TXNDC15: variants seen among roughly 807,000 people sequenced by gnomAD.
TXNDC15 encodes thioredoxin domain-containing protein 15.
A neutral mutation model predicts 35.0 loss-of-function variants in TXNDC15; 24 were observed. The ratio of observed to expected loss-of-function variants is 0.68; its 90% CI spans 0.50 to 0.96. The LOEUF is 0.96. Among genes scored for constraint, TXNDC15 ranks in the 40% least tolerant of loss-of-function variants. The pLI, the probability that TXNDC15 is intolerant of heterozygous loss-of-function variation, is 0.00. For synonymous variants in TXNDC15, 169 were observed against 174.0 expected (o/e 0.97, Z 0.23); for missense variants, 385 against 453.3 (o/e 0.85, Z 1.37).
chr5:134,893,734 TA>T, intron 3 of TXNDC15, 79 bp downstream of exon 3: 5 of 1,574,272 alleles, frequency 3.2e-6, no homozygotes, highest in Non-Finnish European at 4.3e-6. Flanking sequence ...TTAGTTAAGT[TA>T]GAAGCAGAAG....
intron 1 of TXNDC15, among the ~76,000 whole-genome samples, chr5:134,880,834 C>T (rs974460452): frequency 6.6e-6 from 1 of 152,010 alleles, no homozygotes; most frequent in Non-Finnish European, 1.5e-5. Flanking sequence ...TTGTTCCTCT[C>T]TACATGATGT....
Position 134,879,628 on chromosome 5 carries a change from C to A in TXNDC15, c.103+5098C>A, listed in dbSNP as rs570642622. Among the ~76,000 whole-genome samples the A allele has an allele frequency of 7.2e-5, 11 of 152,234 alleles. No homozygotes were observed. In the East Asian group the frequency reaches 2.1e-3, roughly 29 times the overall value. ...GCTATAGAAATACCGCCAATGTGAT[C>A]CCGCCCCTCCACCAATTTGGCAAAG... On this transcript the variant is annotated intron_variant, in intron 1 of 4. Coordinates refer to ENST00000358387, the MANE Select transcript of TXNDC15 (RefSeq NM_024715.4).
At chr5:134,878,859 TGTG>T (rs1750088946) in intron 1 of TXNDC15, among the ~76,000 whole-genome samples, 1 of 151,992 alleles carries the variant, frequency 6.6e-6, no homozygotes, top group African/African-American at 2.4e-5. Context: ...AGTAGCCAGG[TGTG>T]GTGGTGCGCA....
rs1322584437 is a variant in TXNDC15 at position 134,893,546 on chromosome 5, T to A, written c.646T>A (p.Tyr216Asn). 2.5e-6 allele frequency: 4 copies of A among 1,614,108 alleles called. No individual in the cohort carries two copies. In the African/African-American group the frequency reaches 5.3e-5, roughly 22 times the overall value. The change falls in exon 3 of 5, where the codon TAC (tyrosine) becomes AAC (asparagine). Residue 216 changes from tyrosine (Y) to asparagine (N), a missense_variant. Coordinates refer to ENST00000358387, the MANE Select transcript of TXNDC15 (RefSeq NM_024715.4). The stretch of plus-strand genomic sequence containing the variant: ...TAGTGACTGTACTCTAGTCCTGTTT[T>A]ACACCCCGTGGTGCCGCTTTTCTGC... ...NGSDCTLVLFYTPWCRFSASL... is the reference protein window; with the variant it reads ...NGSDCTLVLFNTPWCRFSASL...
intron 2 of TXNDC15, among the ~76,000 whole-genome samples, chr5:134,891,906 C>A (rs1750395963): frequency 6.6e-6 from 1 of 151,910 alleles, no homozygotes; most frequent in African/African-American, 2.4e-5. Flanking sequence ...CAGAGCAAGA[C>A]CTTGTCAAAT....
intron 1 of TXNDC15, among the ~76,000 whole-genome samples, chr5:134,880,978 A>G (rs1193782567): frequency 2.6e-5 from 4 of 151,718 alleles, no homozygotes; most frequent in Admixed American, 6.6e-5. Flanking sequence ...ATGGATTTAT[A>G]GTTTTCACCA....
At position 134,889,412 on chromosome 5, in the gene TXNDC15, C is replaced by T. The variant is rs556716773; in HGVS notation, c.591+1230C>T. On this transcript the variant is annotated intron_variant, in intron 2 of 4. Coordinates refer to ENST00000358387, the MANE Select transcript of TXNDC15 (RefSeq NM_024715.4). ...CTAATTTTTGTATTTTTAGTGGAAACGAGGTTTTACCACGTTGGCCAGGCT... is the reference window on the plus strand; with the variant it reads ...CTAATTTTTGTATTTTTAGTGGAAATGAGGTTTTACCACGTTGGCCAGGCT... Among the ~76,000 whole-genome samples the T allele has an allele frequency of 7.9e-5, 12 of 152,102 alleles. No homozygotes were observed. In the East Asian group the frequency reaches 1.9e-3, roughly 25 times the overall value.
At chr5:134,898,234 A>C (rs766552601) in intron 4 of TXNDC15, among the ~76,000 whole-genome samples, 22 of 152,102 alleles carry the variant, frequency 1.4e-4, no homozygotes, top group Non-Finnish European at 2.4e-4. Context: ...CTGCATTGTC[A>C]TGTATGGTTA....
chr5:134,876,220 CCCTGTGTGGCTGT>C (rs1320722200), intron 1 of TXNDC15, among the ~76,000 whole-genome samples: 1 of 152,120 alleles, frequency 6.6e-6, no homozygotes, highest in Non-Finnish European at 1.5e-5. Flanking sequence ...GTGCTCTGTG[CCCTGTGTGGCTGT>C]CCTGTGTGGA....
chr5:134,884,923 CT>C (rs374868238), intron 1 of TXNDC15, among the ~76,000 whole-genome samples: 169 of 128,880 alleles, frequency 1.3e-3, no homozygotes, highest in Middle Eastern at 5.0e-3. Flanking sequence ...TATACATATT[CT>C]TTTTTTTTTT....
intron 2 of TXNDC15, among the ~76,000 whole-genome samples, chr5:134,890,647 T>C (rs1249552571): frequency 1.3e-5 from 2 of 152,138 alleles, no homozygotes; most frequent in Non-Finnish European, 2.9e-5. Context: ...TGACCTCAAG[T>C]GATCTGCCCA....
intron 1 of TXNDC15, among the ~76,000 whole-genome samples, chr5:134,883,607 A>G (rs1225536098): frequency 3.7e-4 from 55 of 147,994 alleles, no homozygotes; most frequent in East Asian, 1.8e-3. Context: ...AAAAAAAAAA[A>G]AAAAGAAAAG....
intron 4 of TXNDC15, among the ~76,000 whole-genome samples, chr5:134,897,394 C>T (rs771688566): frequency 1.3e-4 from 20 of 150,586 alleles, no homozygotes; most frequent in Non-Finnish European, 2.7e-4. Flanking sequence ...ATTATAGGTG[C>T]GCACCACCAC....
At position 134,901,427 on chromosome 5, in the gene TXNDC15, G is replaced by T. The variant is rs1430326185; in HGVS notation, c.*1742G>T. 6.6e-6 allele frequency: 1 copy of T among 152,136 alleles called. No individual in the cohort carries two copies. The highest frequency in any genetic ancestry group is 1.5e-5 in the Non-Finnish European group (1 of 68,024). 9.4% of individuals were successfully genotyped at this position (152,136 alleles called of 1,614,324 possible). A position where few individuals can be genotyped will look rare whatever the true frequency, so the allele number is the denominator to read the frequency against. Reference sequence around the variant, plus strand: ...TGAGGCATAGAGAGTTAGATAACTTGCCCAGGTTACACAGATTGTAAGTTG... The same window carrying T: ...TGAGGCATAGAGAGTTAGATAACTTTCCCAGGTTACACAGATTGTAAGTTG... On this transcript the variant is annotated 3_prime_UTR_variant, in exon 5 of 5. Transcript: ENST00000358387.
chr5:134,897,892 G>A (rs145381030), intron 4 of TXNDC15, among the ~76,000 whole-genome samples: 22 of 152,014 alleles, frequency 1.4e-4, no homozygotes, highest in Admixed American at 1.0e-3. Context: ...GCTTGTAGTC[G>A]CAGCTACTCG....
chr5:134,874,222 C>G, upstream of TXNDC15: 1 of 544,556 alleles, frequency 1.8e-6, no homozygotes, highest in African/African-American at 2.0e-5. Flanking sequence ...TGGCGCTTAG[C>G]TCCTAAAGAG....
intron 4 of TXNDC15, among the ~76,000 whole-genome samples, chr5:134,897,573 G>T (rs960452358): frequency 2.0e-5 from 3 of 152,242 alleles, no homozygotes; most frequent in Non-Finnish European, 4.4e-5. Context: ...TAAAACAAGT[G>T]TTACTGAAAT....
At chr5:134,873,873 A>AT (rs1290924375), upstream of TXNDC15, 1 of 152,258 alleles carries the variant, frequency 6.6e-6, no homozygotes, top group Non-Finnish European at 1.5e-5. Flanking sequence ...CCCTTATACT[A>AT]TAAGGGTTAT....
chr5:134,881,199 A>ATTTATTTATTTATTTT (rs1469910084), intron 1 of TXNDC15, among the ~76,000 whole-genome samples: 95 of 132,496 alleles, frequency 7.2e-4, no homozygotes, highest in Admixed American at 9.2e-4. Context: ...TTATTTATTT[A>ATTTATTTATTTATTTT]TTTTTTTATT....
Sources: gnomAD v4.1 joint callset for allele counts (sites outside exome capture counted in the v4.1 genomes callset) on GRCh38, gnomAD v4.1.1 for gene constraint, MANE v1.5 for transcripts, NCBI Gene and HGNC (gene_info 2026-07-23, HGNC 2026-07-21) for gene names.